RAP1GAP2: variants seen among roughly 807,000 people sequenced by gnomAD.
RAP1GAP2 encodes RAP1 GTPase activating protein 2, also known as rap1 GTPase-activating protein 2.
Under a neutral mutation model 95.0 loss-of-function variants are expected in RAP1GAP2, and 27 were observed. That is an observed-to-expected ratio of 0.28 (90% CI 0.21 to 0.39). The LOEUF is 0.39. Among genes scored for constraint, RAP1GAP2 ranks in the 10% least tolerant of loss-of-function variants. The pLI is 1.00. For missense variants in RAP1GAP2, 771 were observed against 970.0 expected, an observed-to-expected ratio of 0.79 and a Z score of 2.72; for synonymous variants, 373 against 380.9, an observed-to-expected ratio of 0.98 and a Z score of 0.24.
intron 1 of RAP1GAP2, chr17:2,800,124 G>A: frequency 1.1e-6 from 1 of 910,318 alleles, no homozygotes. Context: ...CATCCGTGCT[G>A]ACCCCTGAAG....
rs115480503 is a variant in RAP1GAP2, at chr17:2,943,071, G to A, written c.166-14688G>A. On this transcript the variant is annotated intron_variant, in intron 3 of 24. Transcript: ENST00000254695. Reference sequence around the variant, plus strand: ...GGTGTGAACCACCACACCTGACCTAGTTCCAAAATATTTGATCATCCCCAA... The same window carrying A: ...GGTGTGAACCACCACACCTGACCTAATTCCAAAATATTTGATCATCCCCAA... Among the ~76,000 whole-genome samples, 1,481 of 151,990 alleles carry A rather than the reference G, an allele frequency of 9.7e-3. 18 individuals are homozygous for A. Among genetic ancestry groups the A allele is most frequent in the African/African-American group, 0.033 (1,375 of 41,470 alleles).
chr17:2,870,262 G>A lies in RAP1GAP2; in HGVS notation c.81-35022G>A, dbSNP rs370505317. Among the ~76,000 whole-genome samples, 1 of 151,338 alleles carries A rather than the reference G, an allele frequency of 6.6e-6. No homozygotes were observed. Among genetic ancestry groups the A allele is most frequent in the Non-Finnish European group, 1.5e-5 (1 of 67,878 alleles). ...CTCCCGAGTAGCTGGGATTACAGGC[G>A]CCCACCACCACACCTGGCTAATTTT... is the stretch of plus-strand genomic sequence containing the variant. On this transcript the variant is annotated intron_variant, in intron 2 of 24. Transcript: ENST00000254695. The surrounding 1 kb of genome is among the most constrained non-coding windows in gnomAD (Gnocchi z 4.4).
intron 2 of RAP1GAP2, among the ~76,000 whole-genome samples, chr17:2,874,334 T>C (rs539640323): frequency 2.6e-5 from 4 of 152,294 alleles, no homozygotes; most frequent in African/African-American, 9.6e-5. Context: ...GGAGGAATGG[T>C]TGGAATTTCA....
chr17:2,970,633 T>C (rs2044827483), intron 8 of RAP1GAP2, among the ~76,000 whole-genome samples: 1 of 152,234 alleles, frequency 6.6e-6, no homozygotes, highest in Non-Finnish European at 1.5e-5. Flanking sequence ...AATCTTAATA[T>C]GAATCATGTT....
chr17:2,780,302 T>C (rs535962360), intron 1 of RAP1GAP2, among the ~76,000 whole-genome samples: 21,863 of 152,212 alleles, frequency 0.14, 1,814 homozygotes, highest in East Asian at 0.33. Context: ...CCGCCCGCCC[T>C]GGCCTCCCAA....
At chr17:2,980,208 G>A (rs1047028138) in intron 8 of RAP1GAP2, 79 bp from the exon 9 acceptor site, 1 of 1,405,728 alleles carries the variant, frequency 7.1e-7, no homozygotes, top group African/African-American at 1.4e-5. Flanking sequence ...CTCCCAAAAT[G>A]CTGAGATGAC....
At chr17:2,910,958 C>G (rs1393107331) in intron 3 of RAP1GAP2, among the ~76,000 whole-genome samples, 6 of 152,208 alleles carry the variant, frequency 3.9e-5, no homozygotes, top group African/African-American at 1.2e-4. Flanking sequence ...CTTGGCCTCC[C>G]AAAGTGTTCA....
chr17:2,997,501 G>A (rs1244412151), intron 13 of RAP1GAP2, among the ~76,000 whole-genome samples: 3 of 152,120 alleles, frequency 2.0e-5, no homozygotes, highest in East Asian at 1.9e-4. Flanking sequence ...GCAAGACCCC[G>A]CCTTGCCTTT....
intron 2 of RAP1GAP2, among the ~76,000 whole-genome samples, chr17:2,864,076 G>A (rs549195938): frequency 3.4e-5 from 3 of 87,082 alleles, no homozygotes; most frequent in East Asian, 6.9e-4. Flanking sequence ...AAACAGTGGC[G>A]GCGGGAGCCC....
intron 3 of RAP1GAP2, among the ~76,000 whole-genome samples, chr17:2,941,170 A>T (rs2043481849): frequency 2.0e-5 from 3 of 152,116 alleles, no homozygotes; most frequent in Non-Finnish European, 4.4e-5. Flanking sequence ...GGGAGGCCGA[A>T]GCGGGTGGAT....
intron 10 of RAP1GAP2, among the ~76,000 whole-genome samples, chr17:2,981,565 G>C (rs555969176): frequency 1.3e-5 from 2 of 152,260 alleles, no homozygotes; most frequent in Middle Eastern, 6.8e-3. Flanking sequence ...AGGTGGACGT[G>C]ACTCTGTAGC....
upstream of RAP1GAP2, among the ~76,000 whole-genome samples, chr17:2,794,075 A>G (rs1312624181): frequency 5.5e-5 from 8 of 146,122 alleles, no homozygotes; most frequent in Non-Finnish European, 1.1e-4. Context: ...CCTGGGTGAC[A>G]GAGCGAGACT....
intron 2 of RAP1GAP2, among the ~76,000 whole-genome samples, chr17:2,830,808 A>G (rs1423783300): frequency 1.3e-5 from 2 of 152,016 alleles, no homozygotes; most frequent in Admixed American, 6.6e-5. Context: ...ATATAAAAAT[A>G]TATGTGGTAG....
At chr17:2,946,718 C>G (rs749677762) in intron 3 of RAP1GAP2, among the ~76,000 whole-genome samples, 22 of 152,164 alleles carry the variant, frequency 1.4e-4, no homozygotes, top group Admixed American at 1.2e-3. Context: ...CGCACATTCT[C>G]TGGCCAAGAA....
chr17:2,919,987 C>T (rs187203077), intron 3 of RAP1GAP2, among the ~76,000 whole-genome samples: 1,516 of 151,572 alleles, frequency 0.01, 28 homozygotes, highest in African/African-American at 0.034. Flanking sequence ...AGGCGTGAGC[C>T]GCCGCATCTG....
intron 3 of RAP1GAP2, among the ~76,000 whole-genome samples, chr17:2,917,364 G>A (rs545100541): frequency 1.3e-5 from 2 of 152,016 alleles, no homozygotes; most frequent in Admixed American, 6.5e-5. Flanking sequence ...TCTGCCTCCC[G>A]GGTTCAAGCA....
chr17:2,999,025 C>T (rs1158343192), intron 14 of RAP1GAP2, among the ~76,000 whole-genome samples: 2 of 152,190 alleles, frequency 1.3e-5, no homozygotes, highest in Non-Finnish European at 2.9e-5. Flanking sequence ...CTGTTTTGGA[C>T]AAATGATGGA....
intron 3 of RAP1GAP2, among the ~76,000 whole-genome samples, chr17:2,915,033 G>A (rs1412831221): frequency 2.1e-5 from 3 of 144,324 alleles, no homozygotes; most frequent in East Asian, 2.2e-4. Flanking sequence ...CTCGTGATCC[G>A]CCCGCCTCGG....
chr17:3,023,375 A>G (rs1282192636), intron 19 of RAP1GAP2, among the ~76,000 whole-genome samples: 17 of 152,246 alleles, frequency 1.1e-4, no homozygotes, highest in Non-Finnish European at 1.5e-5. Context: ...GCTACAAAAC[A>G]TATAAGCCTG....
Sources: allele counts gnomAD v4.1 joint callset (sites outside exome capture counted in the v4.1 genomes callset), GRCh38; gene constraint gnomAD v4.1.1; non-coding constraint Gnocchi (gnomAD v3.1); transcripts MANE v1.5; gene names NCBI Gene and HGNC (gene_info 2026-07-23, HGNC 2026-07-21).